The following ADGRG2 variants were observed in gnomAD, a reference collection of about 807,000 sequenced individuals.
ADGRG2 encodes the protein adhesion G protein-coupled receptor G2.
A neutral mutation model predicts 74.1 loss-of-function variants in ADGRG2; 26 were observed. That is an observed-to-expected ratio of 0.35 (90% CI 0.26 to 0.49). The LOEUF (loss-of-function observed/expected upper bound fraction) is 0.49, where lower values mean the gene tolerates loss of function less well. Among genes scored for constraint, ADGRG2 ranks in the 20% least tolerant of loss-of-function variants. The probability of loss-of-function intolerance (pLI) is 0.99; values close to 1 mark genes in which losing one functional copy is unlikely to be tolerated. For missense variants in ADGRG2, 619 were observed against 763.1 expected, an observed-to-expected ratio of 0.81 and a Z score of 2.22; for synonymous variants, 296 against 295.2, an observed-to-expected ratio of 1.00 and a Z score of -0.03.
Position 19,065,939 on chromosome X carries a change from C to T in ADGRG2, c.118+2778G>A, listed in dbSNP as rs538076709. Among the ~76,000 whole-genome samples, 10 of 112,395 alleles carry T rather than the reference C, an allele frequency of 8.9e-5. No homozygotes were observed. In the South Asian group the frequency reaches 1.1e-3, roughly 12 times the overall value. On this transcript the variant is annotated intron_variant, in intron 3 of 28. Transcript: ENST00000379869. ...CTCAGCTCATTGCAACCTCTGCTCC[C>T]GGGTTCAAACAATTCTCCTGCCTCA...
chrX:19,004,833 G>A lies in ADGRG2; in HGVS notation c.1886C>T (p.Thr629Met), dbSNP rs1039076407. ...CCCACAACCAATATATGTAATGAACGTCAGAGCCATCATTTGAGCAGGCAG... is the reference window on the plus strand; with the variant it reads ...CCCACAACCAATATATGTAATGAACATCAGAGCCATCATTTGAGCAGGCAG... ...SVLPAQMMAL[T>M]FITYIGCGLS... is the part of the protein sequence containing the mutation. The change falls in exon 23 of 29, where the codon ACG (threonine) becomes ATG (methionine). Residue 629 changes from threonine to methionine, a missense_variant. Physicochemically the swap from Thr to Met is moderately conservative, Grantham distance 81. Coordinates refer to ENST00000379869, the MANE Select transcript of ADGRG2 (RefSeq NM_001079858.3). 4 of 1,201,418 alleles carry A rather than the reference G, an allele frequency of 3.3e-6. No homozygotes were observed. The highest frequency in any genetic ancestry group is 3.0e-5 in the East Asian group (1 of 33,808).
chrX:19,059,614 G>A (rs1463710630), intron 3 of ADGRG2, among the ~76,000 whole-genome samples: 1 of 108,975 alleles, frequency 9.2e-6, no homozygotes, highest in Non-Finnish European at 1.9e-5. Flanking sequence ...TCTGTCTTTA[G>A]TACCAGTACT....
chrX:19,027,607 C>G (rs931460675), intron 10 of ADGRG2, among the ~76,000 whole-genome samples: 3 of 112,624 alleles, frequency 2.7e-5, no homozygotes. Flanking sequence ...ACACTATTAA[C>G]ATTCTTGTCA....
intron 16 of ADGRG2, among the ~76,000 whole-genome samples, chrX:19,013,249 C>T (rs887059490): frequency 1.8e-5 from 2 of 111,613 alleles, no homozygotes. Flanking sequence ...CAAAAGTTTA[C>T]TCTTCAGGGT....
In ADGRG2 at chrX:19,095,616, G is replaced by A. The variant is rs543804638; in HGVS notation, c.-46-12870C>T. Among the ~76,000 whole-genome samples, 83 of 111,886 alleles carry A rather than the reference G, an allele frequency of 7.4e-4. 2 individuals are homozygous for A. Among genetic ancestry groups the A allele is most frequent in the Admixed American group, 6.5e-3 (69 of 10,558 alleles). On this transcript the variant is annotated intron_variant, in intron 1 of 28. Coordinates refer to ENST00000379869, the MANE Select transcript of ADGRG2 (RefSeq NM_001079858.3). ...AAACTGGTAACTTGTTAATTAGAATGATAAATAGAATGCTGAGGAAAAAGT... is the reference window on the plus strand; with the variant it reads ...AAACTGGTAACTTGTTAATTAGAATAATAAATAGAATGCTGAGGAAAAAGT...
chrX:18,996,416 C>G (rs1351824577), intron 26 of ADGRG2, among the ~76,000 whole-genome samples: 1 of 111,006 alleles, frequency 9.0e-6, no homozygotes, highest in Admixed American at 9.7e-5. Context: ...ATTAAATTCA[C>G]TGTCTCCTCC....
chrX:19,008,382 T>C lies in ADGRG2; in HGVS notation c.1423-259A>G, dbSNP rs191360806. On this transcript the variant is annotated intron_variant, in intron 18 of 28. Transcript: ENST00000379869. ...GCTACTAAATTAAAGAAAGGAAGTATAGGCTGGGCACGGCGGCTCACACCT... is the reference window on the plus strand; with the variant it reads ...GCTACTAAATTAAAGAAAGGAAGTACAGGCTGGGCACGGCGGCTCACACCT... Among the ~76,000 whole-genome samples, 89 of 111,497 alleles carry C rather than the reference T, an allele frequency of 8.0e-4. 1 individual carries two copies. Among genetic ancestry groups the C allele is most frequent in the Non-Finnish European group, 1.5e-3 (78 of 53,016 alleles).
intron 25 of ADGRG2, among the ~76,000 whole-genome samples, chrX:18,999,644 T>C (rs895728904): frequency 8.9e-6 from 1 of 112,338 alleles, no homozygotes; most frequent in African/African-American, 3.2e-5. Flanking sequence ...TAATTCATTT[T>C]TCTTTTCAGA....
At chrX:19,029,347 G>A (rs950116209) in intron 9 of ADGRG2, among the ~76,000 whole-genome samples, 8 of 111,869 alleles carry the variant, frequency 7.2e-5, no homozygotes, top group Non-Finnish European at 1.1e-4. Context: ...CACCCACAAC[G>A]TCTCTGCCTC....
chrX:19,086,034 G>A (rs1204792032), intron 1 of ADGRG2, among the ~76,000 whole-genome samples: 1 of 111,623 alleles, frequency 9.0e-6, no homozygotes. Context: ...AATGGCAAAA[G>A]CAATGATGCA....
rs1337450755 is a variant in ADGRG2, at chrX:19,004,795, A to G, written c.1924T>C (p.Phe642Leu). The change falls in exon 23 of 29, where the codon TTT becomes CTT. Residue 642 changes from phenylalanine (F) to leucine (L), a missense_variant. Physicochemically the swap from Phe to Leu is conservative, Grantham distance 22. Coordinates refer to ENST00000379869, the MANE Select transcript of ADGRG2 (RefSeq NM_001079858.3). ...TAGGTTACAAGAGTCACTGACAGAA[A>G]AATTGATGAAAGCCCACAACCAATA... ...TYIGCGLSSI[F>L]LSVTLVTYIA... 1 of 1,207,721 alleles carries G rather than the reference A, an allele frequency of 8.3e-7. No homozygotes were observed. Among genetic ancestry groups the G allele is most frequent in the Non-Finnish European group, 1.1e-6 (1 of 891,786 alleles).
chrX:18,995,102 G>A (rs1337293671), intron 27 of ADGRG2, 54 bp from the exon 28 acceptor site: 16 of 915,707 alleles, frequency 1.7e-5, no homozygotes, highest in South Asian at 9.9e-5. Flanking sequence ...AAGCTCAAAC[G>A]CAAGAGACAG....
At chrX:19,038,515 A>G in intron 4 of ADGRG2, among the ~76,000 whole-genome samples, 1 of 112,801 alleles carries the variant, frequency 8.9e-6, no homozygotes, top group Non-Finnish European at 1.9e-5. Context: ...CTTGAGAAGT[A>G]AGACAGTTCC....
At chrX:19,087,438 G>T (rs2061951917) in intron 1 of ADGRG2, among the ~76,000 whole-genome samples, 1 of 112,234 alleles carries the variant, frequency 8.9e-6, no homozygotes, top group Non-Finnish European at 1.9e-5. Context: ...ACCTAACCCA[G>T]TGTGGGGAAA....
chrX:19,067,224 C>T (rs2061583309), intron 3 of ADGRG2, among the ~76,000 whole-genome samples: 1 of 112,153 alleles, frequency 8.9e-6, no homozygotes, highest in Non-Finnish European at 1.9e-5. Context: ...CCCCTGTGCT[C>T]GGGCCACTCC....
intron 1 of ADGRG2, among the ~76,000 whole-genome samples, chrX:19,120,185 C>G (rs778379713): frequency 8.3e-4 from 93 of 111,539 alleles, no homozygotes; most frequent in Non-Finnish European, 1.5e-3. Flanking sequence ...TAAAAGAATA[C>G]TCCTGAAAAG....
chrX:19,054,431 A>AT (rs1439280554), intron 3 of ADGRG2, among the ~76,000 whole-genome samples: 1 of 111,587 alleles, frequency 9.0e-6, no homozygotes. Flanking sequence ...AAAGTAACTA[A>AT]TTTTTTTCTG....
At chrX:19,009,979 T>G (rs764980458) in intron 17 of ADGRG2, among the ~76,000 whole-genome samples, 197 bp from the exon 18 acceptor site, 15 of 109,223 alleles carry the variant, frequency 1.4e-4, no homozygotes, top group Non-Finnish European at 7.6e-5. Flanking sequence ...CCCAGCTAAT[T>G]TTTTGTATTT....
At chrX:19,029,693 T>TTG (rs1322803397) in intron 9 of ADGRG2, among the ~76,000 whole-genome samples, 4 of 109,926 alleles carry the variant, frequency 3.6e-5, no homozygotes, top group Admixed American at 9.8e-5. Flanking sequence ...ATGACCAGTT[T>TTG]TTTTTTTTTT....
Sources: gnomAD v4.1 joint callset for allele counts (sites outside exome capture counted in the v4.1 genomes callset) on GRCh38, gnomAD v4.1.1 for gene constraint, MANE v1.5 for transcripts, NCBI Gene and HGNC (gene_info 2026-07-23, HGNC 2026-07-21) for gene names.